ABCC4: variants seen among roughly 807,000 people sequenced by gnomAD.
The protein encoded by ABCC4 is ATP binding cassette subfamily C member 4 (PEL blood group).
ABCC4 carries 102 observed loss-of-function variants against 168.5 expected under a neutral mutation model. The observed-to-expected ratio is 0.61, with a 90% CI of 0.52 to 0.71. The LOEUF (loss-of-function observed/expected upper bound fraction) is 0.71. Among genes scored for constraint, ABCC4 ranks in the 30% least tolerant of loss-of-function variants. ABCC4 has a pLI of 0.00. For missense variants in ABCC4, 1,402 were observed against 1,605.8 expected, an observed-to-expected ratio of 0.87 and a Z score of 2.17; for synonymous variants, 617 against 590.7, an observed-to-expected ratio of 1.04 and a Z score of -0.65.
intron 26 of ABCC4, among the ~76,000 whole-genome samples, chr13:95,054,630 C>T (rs1594017340): frequency 2.0e-5 from 3 of 152,152 alleles, no homozygotes; most frequent in African/African-American, 7.2e-5. Context: ...GATATAGGAG[C>T]CCCATCAACT....
intron 14 of ABCC4, among the ~76,000 whole-genome samples, chr13:95,168,032 A>AT (rs1198667571): frequency 6.6e-6 from 1 of 152,012 alleles, no homozygotes; most frequent in African/African-American, 2.4e-5. Context: ...GGCCCAGCCA[A>AT]TTTTTTTGTA....
rs1478887987 is a variant in ABCC4 at position 95,225,145 on chromosome 13, TCTCTCTCTCA to T, written c.531+9455_531+9464del. Among the ~76,000 whole-genome samples, 249 of 45,186 alleles carry T rather than the reference TCTCTCTCTCA, an allele frequency of 5.5e-3. 2 individuals carry two copies. In the East Asian group the frequency reaches 0.081, roughly 15 times the overall value. 29.6% of individuals were successfully genotyped at this position (45,186 alleles called of 152,430 possible). On this transcript the variant is annotated intron_variant, in intron 4 of 30. Transcript: ENST00000645237. Reference sequence around the variant, plus strand: ...CACTGTCTGTCTGTCTGTCTGTCTCTCTCTCTCTCACACACACACACACACACACACACAC... The same window carrying T: ...CACTGTCTGTCTGTCTGTCTGTCTCTCACACACACACACACACACACACAC...
chr13:95,300,380 G>A (rs561245783), intron 1 of ABCC4, among the ~76,000 whole-genome samples: 1 of 152,296 alleles, frequency 6.6e-6, no homozygotes, highest in South Asian at 2.1e-4. Flanking sequence ...GGAAACAGGG[G>A]AAAGAAGCTG....
At chr13:95,022,874 T>C (rs1254136089) in intron 30 of ABCC4, among the ~76,000 whole-genome samples, 1 of 152,228 alleles carries the variant, frequency 6.6e-6, no homozygotes. Context: ...TCCAGAAATA[T>C]CATTACATAT....
At chr13:95,058,433 G>GT (rs2033144356) in intron 26 of ABCC4, among the ~76,000 whole-genome samples, 1 of 151,632 alleles carries the variant, frequency 6.6e-6, no homozygotes, top group Non-Finnish European at 1.5e-5. Flanking sequence ...GCTGGGTGTG[G>GT]TGGCACGCAC....
chr13:95,163,325 G>A, intron 17 of ABCC4, 109 bp from the exon 18 acceptor site: 1 of 765,390 alleles, frequency 1.3e-6, no homozygotes, highest in East Asian at 2.7e-5. Context: ...GCTGGAAAAT[G>A]ATTCTCAGCT....
intron 7 of ABCC4, 76 bp from the exon 8 acceptor site, chr13:95,206,857 C>T (rs2038797736): frequency 6.6e-7 from 1 of 1,515,884 alleles, no homozygotes; most frequent in South Asian, 1.2e-5. Flanking sequence ...AATCTCAGCA[C>T]TTTGGGAGCT....
At chr13:95,251,476 C>T (rs1474954137) in intron 1 of ABCC4, among the ~76,000 whole-genome samples, 1 of 152,144 alleles carries the variant, frequency 6.6e-6, no homozygotes, top group African/African-American at 2.4e-5. Flanking sequence ...GAAGCCAAGC[C>T]TAATAAAACC....
chr13:95,126,027 T>C (rs974043118), intron 19 of ABCC4, among the ~76,000 whole-genome samples: 3 of 152,090 alleles, frequency 2.0e-5, no homozygotes, highest in African/African-American at 7.2e-5. Flanking sequence ...ATGTGTACAG[T>C]TTGCATATGA....
chr13:95,262,871 G>C (rs1315941205), intron 1 of ABCC4, among the ~76,000 whole-genome samples: 1 of 152,172 alleles, frequency 6.6e-6, no homozygotes, highest in African/African-American at 2.4e-5. Context: ...CTGACCTCAA[G>C]CAATCCAGCC....
chr13:95,286,756 A>C (rs1332887300), intron 1 of ABCC4, among the ~76,000 whole-genome samples: 7 of 151,980 alleles, frequency 4.6e-5, no homozygotes, highest in Non-Finnish European at 8.8e-5. Flanking sequence ...CAGGAGTTCG[A>C]GACCAGCCTG....
At chr13:95,095,529 G>A (rs756663882) in intron 20 of ABCC4, among the ~76,000 whole-genome samples, 1 of 152,076 alleles carries the variant, frequency 6.6e-6, no homozygotes, top group African/African-American at 2.4e-5. Context: ...TGGACTTTGG[G>A]GGTTTAGGGG....
In ABCC4 at chr13:95,247,702, A is replaced by G. The variant is rs762807360; in HGVS notation, c.126T>C (p.Asp42=). Residue 42 remains aspartate (D), a synonymous_variant, in exon 2 of 31, where the codon GAT becomes GAC. Transcript: ENST00000645237. ...KIGHKRRLEE[D]DMYSVLPEDR... The stretch of plus-strand genomic sequence containing the variant: ...CTTCTGGCAGCACTGAATACATATC[A>G]TCTTCCTCTAATCTCCGTTTATGGC... 2.5e-6 allele frequency: 4 copies of G among 1,613,882 alleles called. No homozygotes were observed. The African/African-American group carries it at 5.3e-5, about 22-fold the overall frequency.
intron 11 of ABCC4, among the ~76,000 whole-genome samples, chr13:95,185,944 C>G (rs1339357736): frequency 1.3e-5 from 2 of 151,790 alleles, no homozygotes; most frequent in Non-Finnish European, 2.9e-5. Context: ...AACCAAAAAC[C>G]ACCCGTACCC....
chr13:95,208,618 T>C (rs1250877646), intron 6 of ABCC4, among the ~76,000 whole-genome samples: 5 of 84,674 alleles, frequency 5.9e-5, no homozygotes, highest in Non-Finnish European at 1.1e-4. Flanking sequence ...CTTTTTTTTT[T>C]TTTTTTTTTT....
chr13:95,290,096 C>CA (rs886081257), intron 1 of ABCC4, among the ~76,000 whole-genome samples: 2 of 103,374 alleles, frequency 1.9e-5, no homozygotes, highest in Non-Finnish European at 4.6e-5. Flanking sequence ...AACTCTGTCT[C>CA]AAAAAAAATA....
At chr13:95,099,305 T>C (rs1045753977) in intron 20 of ABCC4, among the ~76,000 whole-genome samples, 5 of 152,278 alleles carry the variant, frequency 3.3e-5, no homozygotes, top group Admixed American at 6.5e-5. Context: ...GGAAAACTAA[T>C]TGATGTTGAC....
At chr13:95,085,151 A>C (rs1214248606) in intron 20 of ABCC4, among the ~76,000 whole-genome samples, 1 of 152,166 alleles carries the variant, frequency 6.6e-6, no homozygotes, top group African/African-American at 2.4e-5. Flanking sequence ...TAGAAATATA[A>C]GGAGAGGCCA....
At chr13:95,210,638 G>T (rs2038926727) in intron 5 of ABCC4, 54 bp downstream of exon 5, 2 of 1,430,736 alleles carry the variant, frequency 1.4e-6, no homozygotes, top group Non-Finnish European at 2.0e-6. Context: ...AAGAATAAAA[G>T]GGGAAAGAGG....
Sources: allele counts gnomAD v4.1 joint callset (sites outside exome capture counted in the v4.1 genomes callset), GRCh38; gene constraint gnomAD v4.1.1; transcripts MANE v1.5; gene names NCBI Gene and HGNC (gene_info 2026-07-23, HGNC 2026-07-21).